ATP6V0D2: variants seen among roughly 807,000 people sequenced by gnomAD.
The protein encoded by ATP6V0D2 is V-type proton ATPase subunit d 2.
Under a neutral mutation model 40.0 loss-of-function variants are expected in ATP6V0D2, and 40 were observed. That is an observed-to-expected ratio of 1.00 (90% CI 0.78 to 1.30). ATP6V0D2 has a LOEUF of 1.30. ATP6V0D2 is among the 50% of genes most tolerant of loss of function. The probability of loss-of-function intolerance (pLI) is 0.00; values close to 1 mark genes in which losing one functional copy is unlikely to be tolerated. For missense variants in ATP6V0D2, 470 were observed against 423.1 expected, an observed-to-expected ratio of 1.11 and a Z score of -0.97; for synonymous variants, 179 against 156.3, an observed-to-expected ratio of 1.15 and a Z score of -1.08.
chr8:86,104,873 A>ACG (rs1263787466), intron 1 of ATP6V0D2, among the ~76,000 whole-genome samples: 1 of 151,766 alleles, frequency 6.6e-6, no homozygotes, highest in Admixed American at 6.6e-5. Context: ...ACACACACAC[A>ACG]CACACATCAA....
chr8:86,133,743 G>A (rs1818860704), intron 2 of ATP6V0D2, among the ~76,000 whole-genome samples: 2 of 152,238 alleles, frequency 1.3e-5, no homozygotes, highest in African/African-American at 2.4e-5. Flanking sequence ...TTACCCGGCT[G>A]TAAGTGGGGT....
intron 5 of ATP6V0D2, among the ~76,000 whole-genome samples, chr8:86,147,999 A>G (rs1167274481): frequency 3.3e-5 from 5 of 152,154 alleles, no homozygotes; most frequent in African/African-American, 1.2e-4. Flanking sequence ...AGCCATGACA[A>G]TTCCTCCAAA....
At chr8:86,101,869 C>T (rs1018410616) in intron 1 of ATP6V0D2, among the ~76,000 whole-genome samples, 1 of 152,184 alleles carries the variant, frequency 6.6e-6, no homozygotes, top group Non-Finnish European at 1.5e-5. Context: ...TCTCTCTTCC[C>T]AATTCTCAAC....
chr8:86,117,909 G>A (rs1818611830), intron 2 of ATP6V0D2, among the ~76,000 whole-genome samples: 3 of 152,198 alleles, frequency 2.0e-5, no homozygotes, highest in Admixed American at 2.0e-4. Flanking sequence ...GGCTGGAGAC[G>A]CAAACTCCAG....
intron 2 of ATP6V0D2, among the ~76,000 whole-genome samples, chr8:86,136,226 T>C (rs760134743): frequency 3.9e-5 from 6 of 152,168 alleles, no homozygotes; most frequent in Non-Finnish European, 7.3e-5. Flanking sequence ...GCCTGTCTAT[T>C]AGTAAAAAAG....
At chr8:86,123,006 T>C (rs192328689) in intron 2 of ATP6V0D2, among the ~76,000 whole-genome samples, 1 of 152,298 alleles carries the variant, frequency 6.6e-6, no homozygotes, top group African/African-American at 2.4e-5. Flanking sequence ...TCTTGTGTGC[T>C]GCAGACGATA....
intron 5 of ATP6V0D2, among the ~76,000 whole-genome samples, chr8:86,145,481 G>A (rs529040358): frequency 2.0e-5 from 3 of 152,168 alleles, no homozygotes; most frequent in Admixed American, 6.5e-5. Flanking sequence ...TAGTTGTGAA[G>A]TGAAAATCTT....
intron 2 of ATP6V0D2, among the ~76,000 whole-genome samples, chr8:86,116,974 G>C (rs949688618): frequency 6.6e-6 from 1 of 152,084 alleles, no homozygotes; most frequent in African/African-American, 2.4e-5. Context: ...GAGTGAAATT[G>C]ATCATTTCAT....
At chr8:86,146,978 T>C (rs573950225) in intron 5 of ATP6V0D2, among the ~76,000 whole-genome samples, 1 of 149,628 alleles carries the variant, frequency 6.7e-6, no homozygotes, top group Non-Finnish European at 1.5e-5. Context: ...TGTGAAAATT[T>C]GACCTAATTA....
chr8:86,127,226 C>A (rs909878629), intron 2 of ATP6V0D2, among the ~76,000 whole-genome samples: 1 of 152,080 alleles, frequency 6.6e-6, no homozygotes, highest in African/African-American at 2.4e-5. Context: ...AGGGTTTCCC[C>A]ATGTAAGCAT....
At chr8:86,120,237 G>GA (rs1162818737) in intron 2 of ATP6V0D2, among the ~76,000 whole-genome samples, 24 of 152,002 alleles carry the variant, frequency 1.6e-4, no homozygotes, top group African/African-American at 5.1e-4. Context: ...CTCTACAAGA[G>GA]AAAAAATTTA....
rs564034129 is a variant in ATP6V0D2, at chr8:86,124,286, A to G, written c.302+10406A>G. Among the ~76,000 whole-genome samples the G allele has an allele frequency of 3.9e-5, 6 of 152,286 alleles. No homozygotes were observed. In the South Asian group the frequency reaches 8.3e-4, roughly 21 times the overall value. On this transcript the variant is annotated intron_variant, in intron 2 of 7. Coordinates refer to ENST00000285393, the MANE Select transcript of ATP6V0D2 (RefSeq NM_152565.1). ...ACACTGGCGCTATTCTGCCAAAGCT[A>G]TACTTGGTCTCCCTGTAACTGAATG...
At chr8:86,116,261 A>G (rs868859804) in intron 2 of ATP6V0D2, among the ~76,000 whole-genome samples, 1 of 152,152 alleles carries the variant, frequency 6.6e-6, no homozygotes, top group Non-Finnish European at 1.5e-5. Context: ...ACGTGTGTCT[A>G]TTGCTACACA....
intron 1 of ATP6V0D2, among the ~76,000 whole-genome samples, chr8:86,110,544 G>T (rs894828218): frequency 2.6e-5 from 4 of 152,240 alleles, no homozygotes; most frequent in Non-Finnish European, 5.9e-5. Context: ...CCCAGAGTCT[G>T]CTGCGAGTTG....
At chr8:86,151,656 C>A (rs768034995) in intron 7 of ATP6V0D2, 116 bp downstream of exon 7, 2 of 730,094 alleles carry the variant, frequency 2.7e-6, no homozygotes, top group Admixed American at 3.0e-5. Flanking sequence ...TAGGCACATT[C>A]ATAGCTTGAT....
At position 86,139,453 on chromosome 8, in the gene ATP6V0D2, C is replaced by G; in HGVS notation, c.303-4C>G. 1 of 1,597,654 alleles carries G rather than the reference C, an allele frequency of 6.3e-7. No individual in the cohort carries two copies. Among genetic ancestry groups the G allele is most frequent in the Non-Finnish European group, 8.5e-7 (1 of 1,173,456 alleles). ...TCTAATGATTGAGTTGTCTTCTGAA[C>G]CAGGTGCAGTTATATGATAGACAAT... On this transcript the variant is annotated splice_polypyrimidine_tract_variant and splice_region_variant and intron_variant, in intron 2 of 7. Transcript: ENST00000285393.
At chr8:86,118,228 T>G (rs1818622136) in intron 2 of ATP6V0D2, among the ~76,000 whole-genome samples, 1 of 97,152 alleles carries the variant, frequency 1.0e-5, no homozygotes, top group Non-Finnish European at 2.4e-5. Context: ...GCCCAGCTAA[T>G]TTTTGTATTT....
chr8:86,104,559 A>G (rs928387630), intron 1 of ATP6V0D2, among the ~76,000 whole-genome samples: 7 of 152,148 alleles, frequency 4.6e-5, no homozygotes, highest in Admixed American at 3.9e-4. Context: ...TTACCTAGCT[A>G]CAAAGAAACT....
At chr8:86,131,557 G>A (rs1268524331) in intron 2 of ATP6V0D2, among the ~76,000 whole-genome samples, 2 of 151,908 alleles carry the variant, frequency 1.3e-5, no homozygotes, top group East Asian at 3.9e-4. Flanking sequence ...CTGGAGTGCA[G>A]TGATGCGATC....
Sources: gnomAD v4.1 joint callset for allele counts (sites outside exome capture counted in the v4.1 genomes callset) on GRCh38, gnomAD v4.1.1 for gene constraint, MANE v1.5 for transcripts, NCBI Gene and HGNC (gene_info 2026-07-23, HGNC 2026-07-21) for gene names.